Variants in DFFB observed in about 807,000 individuals in gnomAD.
DFFB encodes the protein DNA fragmentation factor subunit beta, also known as DNA fragmentation factor 40 kDa subunit.
A neutral mutation model predicts 32.7 loss-of-function variants in DFFB; 29 were observed. The ratio of observed to expected loss-of-function variants is 0.89; its 90% CI spans 0.66 to 1.21. The LOEUF is 1.21. Among genes scored for constraint, DFFB ranks in the 50% most tolerant of loss-of-function variants. The pLI is 0.00. For synonymous variants in DFFB, 170 were observed against 177.1 expected (o/e 0.96, Z 0.32); for missense variants, 398 against 440.6 (o/e 0.90, Z 0.87).
chr1:3,871,159 G>T (rs1645105097), intron 5 of DFFB, among the ~76,000 whole-genome samples: 1 of 152,240 alleles, frequency 6.6e-6, no homozygotes, highest in African/African-American at 2.4e-5. Context: ...CTTCCCATGA[G>T]GTGGGGGTGC....
chr1:3,857,757 CGT>C (rs1370688744), intron 1 of DFFB, 40 bp downstream of exon 1: 1 of 1,350,556 alleles, frequency 7.4e-7, no homozygotes, highest in African/African-American at 1.5e-5. Flanking sequence ...GTCGGGGAGG[CGT>C]GTGGGGAGAA....
Position 3,883,660 on chromosome 1 carries a change from C to G in DFFB, c.936C>G (p.His312Gln). 1.9e-6 allele frequency: 3 copies of G among 1,614,162 alleles called. No homozygotes were observed. The highest frequency in any genetic ancestry group is 2.7e-5 in the African/African-American group (2 of 75,042). The change falls in exon 7 of 7, where the codon CAC becomes CAG. Residue 312 changes from histidine to glutamine, a missense_variant. By Grantham distance (24) the His-to-Gln change is conservative. Coordinates refer to ENST00000378209, the MANE Select transcript of DFFB (RefSeq NM_004402.4). ...VHIVCHKKTT[H>Q]KLNCDPSRIY... ...TTGTCTGCCATAAGAAAACCACCCA[C>G]AAGCTCAACTGTGACCCAAGCAGAA...
chr1:3,868,243 A>G (rs1645023000), intron 4 of DFFB, among the ~76,000 whole-genome samples, 190 bp downstream of exon 4: 1 of 152,108 alleles, frequency 6.6e-6, no homozygotes, highest in African/African-American at 2.4e-5. Flanking sequence ...CATGGGGGTG[A>G]ACACCCATCG....
intron 6 of DFFB, among the ~76,000 whole-genome samples, chr1:3,876,577 C>T (rs1645226294): frequency 6.6e-6 from 1 of 152,198 alleles, no homozygotes; most frequent in Admixed American, 6.5e-5. Flanking sequence ...CACCACGTGC[C>T]ACATGTTTAA....
At chr1:3,859,248 C>T (rs1040185793) in intron 2 of DFFB, among the ~76,000 whole-genome samples, 3 of 151,616 alleles carry the variant, frequency 2.0e-5, no homozygotes, top group Non-Finnish European at 2.9e-5. Flanking sequence ...GGTGGTGGTT[C>T]GTGGGATGCT....
intron 6 of DFFB, among the ~76,000 whole-genome samples, chr1:3,877,410 C>T (rs925402561): frequency 6.9e-6 from 1 of 145,290 alleles, no homozygotes; most frequent in South Asian, 2.3e-4. Context: ...CTCACTGCAA[C>T]CTCTGCCTCC....
At chr1:3,873,598 G>T (rs1284158836) in intron 6 of DFFB, among the ~76,000 whole-genome samples, 7 of 151,634 alleles carry the variant, frequency 4.6e-5, no homozygotes, top group Admixed American at 4.0e-4. Context: ...TCCTACTTTA[G>T]CTTCCCCAGT....
intron 5 of DFFB, among the ~76,000 whole-genome samples, chr1:3,871,124 G>C (rs895569820): frequency 6.6e-6 from 1 of 152,168 alleles, no homozygotes; most frequent in Non-Finnish European, 1.5e-5. Flanking sequence ...TCCTGCCCTG[G>C]CAAGTCAGTA....
chr1:3,867,469 G>A (rs1449646729), intron 3 of DFFB, among the ~76,000 whole-genome samples: 2 of 152,250 alleles, frequency 1.3e-5, no homozygotes, highest in African/African-American at 4.8e-5. Context: ...TGAGGGCCAG[G>A]CAGAAGCTCC....
At chr1:3,880,692 G>A (rs543633555) in intron 6 of DFFB, among the ~76,000 whole-genome samples, 2 of 151,818 alleles carry the variant, frequency 1.3e-5, no homozygotes, top group African/African-American at 4.8e-5. Context: ...TGTGGCTCTG[G>A]TGGAGCCTTC....
chr1:3,868,250 A>G (rs1370888998), intron 4 of DFFB, among the ~76,000 whole-genome samples, 197 bp downstream of exon 4: 3 of 152,126 alleles, frequency 2.0e-5, no homozygotes, highest in Admixed American at 6.5e-5. Context: ...GTGAACACCC[A>G]TCGGGCCTTT....
chr1:3,865,804 G>A lies in DFFB; in HGVS notation c.242-8G>A. The A allele has an allele frequency of 2.5e-6, 4 of 1,614,078 alleles. No individual in the cohort carries two copies. Among genetic ancestry groups the A allele is most frequent in the Non-Finnish European group, 3.4e-6 (4 of 1,180,038 alleles). On this transcript the variant is annotated splice_region_variant and splice_polypyrimidine_tract_variant and intron_variant, in intron 2 of 6. Transcript: ENST00000378209. This position sits in a 1 kb window ranked among gnomAD's most constrained non-coding sequence, Gnocchi z 4.7. ...ACCGGCACCTTTTGTTTGTCCCATT[G>A]GTGGCAGATGTGAGCGACATCAGGC... is the stretch of plus-strand genomic sequence containing the variant.
chr1:3,870,816 G>A (rs1407660759), intron 5 of DFFB, among the ~76,000 whole-genome samples: 1 of 151,846 alleles, frequency 6.6e-6, no homozygotes, highest in Non-Finnish European at 1.5e-5. Context: ...GGTGCTCCGG[G>A]CATGGCAGTG....
chr1:3,872,344 C>T (rs548674788), intron 5 of DFFB, 128 bp from the exon 6 acceptor site: 10 of 646,164 alleles, frequency 1.5e-5, no homozygotes, highest in East Asian at 8.4e-5. Flanking sequence ...ACACGGGAGG[C>T]GGAGGTTGTA....
intron 2 of DFFB, among the ~76,000 whole-genome samples, chr1:3,861,270 C>T (rs752540184): frequency 1.4e-4 from 21 of 152,024 alleles, no homozygotes; most frequent in Non-Finnish European, 1.5e-5. Context: ...TGTGTGTATC[C>T]ATAGTCCGTT....
In DFFB at chr1:3,872,481, G is replaced by A. The variant is rs755711660; in HGVS notation, c.691G>A (p.Asp231Asn). Reference sequence around the variant, plus strand: ...GTCTTTTGGCCCCCAGGGTCCCTTTGACATGGACAGCTGCTTATCAAGACA... The same window carrying A: ...GTCTTTTGGCCCCCAGGGTCCCTTTAACATGGACAGCTGCTTATCAAGACA... Reference protein sequence around the residue: ...EGWFSCQGPFDMDSCLSRHSI... With the variant: ...EGWFSCQGPFNMDSCLSRHSI... Residue 231 changes from aspartate to asparagine, a missense_variant, in exon 6 of 7, where the codon GAC becomes AAC. Transcript: ENST00000378209. 25 of 1,613,582 alleles carry A rather than the reference G, an allele frequency of 1.5e-5. No homozygotes were observed. The East Asian group carries it at 3.8e-4, about 24-fold the overall frequency.
At position 3,885,312 on chromosome 1, in the gene DFFB, G is replaced by A. The variant is rs918328358; in HGVS notation, c.*1571G>A. On this transcript the variant is annotated 3_prime_UTR_variant, in exon 7 of 7. Transcript: ENST00000378209. ...TTATGATACTTGAATTTTTTGAAAT[G>A]GGCATTTATTTTATAACATGTTAAA... The A allele has an allele frequency of 2.0e-5, 3 of 152,066 alleles. No individual in the cohort carries two copies. Among genetic ancestry groups the A allele is most frequent in the African/African-American group, 7.2e-5 (3 of 41,390 alleles). The allele number at this position is 152,066 out of a possible 1,614,324, so 9.4% of individuals were successfully genotyped here.
Position 3,865,732 on chromosome 1 carries a change from G to T in DFFB, c.242-80G>T. On this transcript the variant is annotated intron_variant, in intron 2 of 6. Coordinates refer to ENST00000378209, the MANE Select transcript of DFFB (RefSeq NM_004402.4). This position sits in a 1 kb window ranked among gnomAD's most constrained non-coding sequence, Gnocchi z 4.7. Reference sequence around the variant, plus strand: ...GGCCCTGGGGAATGGGGGAAGATGTGGTCAGAGGCTCTTCTTGTGACCGGG... The same window carrying T: ...GGCCCTGGGGAATGGGGGAAGATGTTGTCAGAGGCTCTTCTTGTGACCGGG... 2 of 1,607,860 alleles carry T rather than the reference G, an allele frequency of 1.2e-6. No individual in the cohort carries two copies. The highest frequency in any genetic ancestry group is 2.2e-5 in the South Asian group (2 of 90,908).
chr1:3,870,008 A>AG (rs1323213556), intron 5 of DFFB, among the ~76,000 whole-genome samples: 2 of 152,072 alleles, frequency 1.3e-5, no homozygotes, highest in African/African-American at 4.8e-5. Flanking sequence ...GGCCCGCCCC[A>AG]GGGCTTGTCT....
Sources: allele counts gnomAD v4.1 joint callset (sites outside exome capture counted in the v4.1 genomes callset), GRCh38; gene constraint gnomAD v4.1.1; non-coding constraint Gnocchi (gnomAD v3.1); transcripts MANE v1.5; gene names NCBI Gene and HGNC (gene_info 2026-07-23, HGNC 2026-07-21).